RCC1L: variants seen among roughly 807,000 people sequenced by gnomAD.
The protein encoded by RCC1L is RCC1 like, also known as RCC1-like G exchanging factor-like protein.
Under a neutral mutation model 58.6 loss-of-function variants are expected in RCC1L, and 46 were observed. The ratio of observed to expected loss-of-function variants is 0.79; its 90% confidence interval spans 0.62 to 1.00. The LOEUF (loss-of-function observed/expected upper bound fraction) is 1.00, where lower values mean the gene tolerates loss of function less well. Ranked by LOEUF, RCC1L falls within the 50% of genes least tolerant of loss-of-function variation. RCC1L has a pLI of 0.00. For missense variants in RCC1L, 636 were observed against 623.6 expected, an observed-to-expected ratio of 1.02 and a Z score of -0.21; for synonymous variants, 281 against 262.9, an observed-to-expected ratio of 1.07 and a Z score of -0.67.
At chr7:75,035,825 G>A (rs896463016) in intron 10 of RCC1L, among the ~76,000 whole-genome samples, 18 of 151,892 alleles carry the variant, frequency 1.2e-4, no homozygotes, top group Non-Finnish European at 2.6e-4. Flanking sequence ...AACACAGTGA[G>A]GTCCCCCCAT....
chr7:75,052,701 C>G lies in RCC1L; in HGVS notation c.1317+10G>C. ...GCATCCATTCTCAAGACCTCCCCGG[C>G]CAGCCTTACCCTCCATGGGAAATAC... On this transcript the variant is annotated intron_variant, in intron 10 of 10. Transcript: ENST00000610322. 1 of 1,607,400 alleles carries G rather than the reference C, an allele frequency of 6.2e-7. No homozygotes were observed. Among genetic ancestry groups the G allele is most frequent in the Non-Finnish European group, 8.5e-7 (1 of 1,177,168 alleles).
At chr7:75,052,911 T>C (rs1186650884) in intron 9 of RCC1L, 115 bp from the exon 10 acceptor site, 1 of 1,000,394 alleles carries the variant, frequency 1.0e-6, no homozygotes, top group Non-Finnish European at 1.6e-6. Flanking sequence ...GAGCCCACTG[T>C]TCAGCTTTTA....
intron 10 of RCC1L, among the ~76,000 whole-genome samples, chr7:75,050,757 C>T (rs1805879717): frequency 6.6e-6 from 1 of 152,160 alleles, no homozygotes; most frequent in African/African-American, 2.4e-5. Flanking sequence ...GCAAGCCCCA[C>T]CACCTTGGGA....
At position 75,058,684 on chromosome 7, in the gene RCC1L, G is replaced by A. The variant is rs1350613944; in HGVS notation, c.873C>T (p.Tyr291=). The change falls in exon 7 of 11, where the codon TAC becomes TAT. Residue 291 remains tyrosine, a synonymous_variant. Transcript: ENST00000610322. ...CGGACACGGCCAGGCAGCAATCACCGTAGGTGGCAACTTGGATAACGTTCA... is the reference window on the plus strand; with the variant it reads ...CGGACACGGCCAGGCAGCAATCACCATAGGTGGCAACTTGGATAACGTTCA... The part of the protein sequence containing the change: ...AGVNVIQVAT[Y]GDCCLAVSAD... 1.2e-5 allele frequency: 19 copies of A among 1,613,820 alleles called. No individual in the cohort carries two copies. The highest frequency in any genetic ancestry group is 1.6e-4 in the Middle Eastern group (1 of 6,078).
chr7:75,034,881 T>C (rs1282057346), intron 10 of RCC1L, among the ~76,000 whole-genome samples: 1 of 152,100 alleles, frequency 6.6e-6, no homozygotes, highest in Non-Finnish European at 1.5e-5. Context: ...CTTGAACTCC[T>C]GAGCTCAAGT....
chr7:75,071,988 T>C (rs1280668327), intron 1 of RCC1L, among the ~76,000 whole-genome samples: 4 of 148,768 alleles, frequency 2.7e-5, no homozygotes, highest in African/African-American at 9.8e-5. Flanking sequence ...CCCAGCTACA[T>C]GGGAGGCTGA....
intron 10 of RCC1L, among the ~76,000 whole-genome samples, chr7:75,029,402 G>T (rs1805235173): frequency 6.7e-6 from 1 of 149,820 alleles, no homozygotes; most frequent in African/African-American, 2.5e-5. Flanking sequence ...GGAGTGCAGT[G>T]GTGCGATCTC....
intron 2 of RCC1L, among the ~76,000 whole-genome samples, chr7:75,067,170 G>A (rs1193473946): frequency 4.6e-5 from 7 of 151,904 alleles, no homozygotes; most frequent in Admixed American, 6.6e-5. Flanking sequence ...GCATGGTGGC[G>A]GGCGCCTCTA....
At chr7:75,039,525 C>A (rs1041330913), downstream of RCC1L, among the ~76,000 whole-genome samples, 5 of 152,170 alleles carry the variant, frequency 3.3e-5, no homozygotes, top group African/African-American at 7.2e-5. Context: ...CCCATCTCTT[C>A]CCCGAAGAAA....
chr7:75,061,182 C>A lies in RCC1L; in HGVS notation c.787+25G>T, dbSNP rs996282858. On this transcript the variant is annotated intron_variant, in intron 6 of 10. Coordinates refer to ENST00000610322, the MANE Select transcript of RCC1L (RefSeq NM_030798.5). ...TGACACGGGCTGAGAAGTTTCACGA[C>A]CCCAGTGCATGAAAAGAACTCTACC... 138 of 1,595,048 alleles carry A rather than the reference C, an allele frequency of 8.7e-5. No homozygotes were observed. In the East Asian group the frequency reaches 2.1e-3, roughly 24 times the overall value.
intron 10 of RCC1L, among the ~76,000 whole-genome samples, chr7:75,045,492 T>G (rs1395730013): frequency 6.6e-6 from 1 of 151,324 alleles, no homozygotes; most frequent in Non-Finnish European, 1.5e-5. Context: ...CAGAGGTTCT[T>G]TATGCAAAGA....
chr7:75,028,085 G>C (rs914209904), intron 10 of RCC1L: 25 of 1,530,934 alleles, frequency 1.6e-5, no homozygotes, highest in Middle Eastern at 2.0e-4. Context: ...GGTGCCTGGC[G>C]GGGGAGGAAG....
intron 9 of RCC1L, chr7:75,055,608 A>C: frequency 2.3e-6 from 1 of 431,826 alleles, no homozygotes; most frequent in Non-Finnish European, 4.3e-6. Context: ...CACCCGACGT[A>C]CTAGCAATGC....
intron 9 of RCC1L, chr7:75,055,541 A>T: frequency 2.9e-6 from 1 of 346,404 alleles, no homozygotes; most frequent in South Asian, 2.5e-5. Flanking sequence ...AGCCCCACAC[A>T]TTCACTTCCT....
At chr7:75,033,445 C>T (rs1362657171) in intron 10 of RCC1L, among the ~76,000 whole-genome samples, 5 of 152,114 alleles carry the variant, frequency 3.3e-5, no homozygotes, top group Non-Finnish European at 4.4e-5. Flanking sequence ...GCCTGTCATC[C>T]CAGCACTTTG....
At chr7:75,039,443 T>C (rs1232349592), downstream of RCC1L, among the ~76,000 whole-genome samples, 5 of 152,204 alleles carry the variant, frequency 3.3e-5, no homozygotes, top group Non-Finnish European at 5.9e-5. Context: ...AAGAAACAAG[T>C]CATGACAGCA....
chr7:75,042,075 T>G, downstream of RCC1L: 1 of 641,842 alleles, frequency 1.6e-6, no homozygotes, highest in African/African-American at 2.0e-5. Context: ...AAAGACCTCA[T>G]CTCTATAAAA....
At chr7:75,035,221 G>C (rs1246051739) in intron 10 of RCC1L, among the ~76,000 whole-genome samples, 1 of 152,012 alleles carries the variant, frequency 6.6e-6, no homozygotes, top group Non-Finnish European at 1.5e-5. Context: ...AGTAGAGATG[G>C]GGTTTTGCCA....
rs1165938365 is a variant in RCC1L, at chr7:75,072,161, C to CATATATATATAT, written c.324+1241_324+1252dup. Among the ~76,000 whole-genome samples, 314 of 46,302 alleles carry CATATATATATAT rather than the reference C, an allele frequency of 6.8e-3. 5 individuals are homozygous for CATATATATATAT. The highest frequency in any genetic ancestry group is 0.013 in the African/African-American group (216 of 17,210). The allele number at this position is 46,302 out of a possible 152,430, so 30.4% of individuals were successfully genotyped here. ...ATTTATACATATACATATACATATA[C>CATATATATATAT]ATATATATATATATATATATATATA... On this transcript the variant is annotated intron_variant, in intron 1 of 10. Coordinates refer to ENST00000610322, the MANE Select transcript of RCC1L (RefSeq NM_030798.5).
Sources: gnomAD v4.1 joint callset for allele counts (sites outside exome capture counted in the v4.1 genomes callset) on GRCh38, gnomAD v4.1.1 for gene constraint, MANE v1.5 for transcripts, NCBI Gene and HGNC (gene_info 2026-07-23, HGNC 2026-07-21) for gene names.